The following AP2A2 variants were observed in gnomAD, a reference collection of about 807,000 sequenced individuals.
AP2A2 encodes adaptor related protein complex 2 subunit alpha 2.
A neutral mutation model predicts 104.2 loss-of-function variants in AP2A2; 32 were observed. The ratio of observed to expected loss-of-function variants is 0.31; its 90% CI spans 0.23 to 0.41. AP2A2 has a LOEUF of 0.41. Ranked by LOEUF, AP2A2 falls within the 10% of genes least tolerant of loss-of-function variation. The pLI is 1.00. For synonymous variants in AP2A2, 539 were observed against 533.3 expected (o/e 1.01, Z -0.15); for missense variants, 912 against 1,261.0 (o/e 0.72, Z 4.19).
intron 4 of AP2A2, among the ~76,000 whole-genome samples, chr11:975,757 G>A (rs925930312): frequency 6.6e-6 from 1 of 151,446 alleles, no homozygotes; most frequent in Non-Finnish European, 1.5e-5. Context: ...CCTCGTGTGA[G>A]CCGACGTCGG....
At chr11:944,883 G>A (rs1853781738) in intron 1 of AP2A2, among the ~76,000 whole-genome samples, 1 of 138,722 alleles carries the variant, frequency 7.2e-6, no homozygotes, top group Admixed American at 7.3e-5. Flanking sequence ...GGGTTAGGTT[G>A]GGGGGAATGA....
At chr11:932,800 A>G (rs1406599594) in intron 1 of AP2A2, 6 of 455,648 alleles carry the variant, frequency 1.3e-5, no homozygotes, top group Non-Finnish European at 2.6e-5. Context: ...TTCTTTTATG[A>G]CAAGTTGAAG....
chr11:955,886 T>C (rs1323648027), intron 1 of AP2A2, among the ~76,000 whole-genome samples: 1 of 152,232 alleles, frequency 6.6e-6, no homozygotes, highest in Non-Finnish European at 1.5e-5. Flanking sequence ...GTGAGCTCTT[T>C]GTCCTCTGAT....
intron 16 of AP2A2, 127 bp from the exon 17 acceptor site, chr11:1,006,399 AAC>A: frequency 1.4e-6 from 1 of 696,198 alleles, no homozygotes; most frequent in Non-Finnish European, 2.5e-6. Flanking sequence ...TAATTTTAAC[AAC>A]AGTCATACAT....
chr11:932,086 C>T lies in AP2A2; in HGVS notation c.67+5998C>T, dbSNP rs148591628. 2.6e-3 allele frequency among the ~76,000 whole-genome samples: 394 copies of T among 152,210 alleles called. 3 individuals are homozygous for T. Among genetic ancestry groups the T allele is most frequent in the African/African-American group, 8.6e-3 (357 of 41,522 alleles). ...AAGTGATTCTTGTGCCTCAGTCTCC[C>T]GAGTAGCTGGGATTACAGGTGTCTG... On this transcript the variant is annotated intron_variant, in intron 1 of 21. Coordinates refer to ENST00000448903, the MANE Select transcript of AP2A2 (RefSeq NM_012305.4).
rs1364600941 is a variant in AP2A2, at chr11:1,000,425, C to T, written c.1957-7C>T. ...CTCTGCTGATGCTCTCCTTCCTTCT[C>T]TTCCAGTCTACGCCTTCTCCGTCGG... is the stretch of plus-strand genomic sequence containing the variant. On this transcript the variant is annotated splice_polypyrimidine_tract_variant and splice_region_variant and intron_variant, in intron 14 of 21. Coordinates refer to ENST00000448903, the MANE Select transcript of AP2A2 (RefSeq NM_012305.4). 17 of 1,544,146 alleles carry T rather than the reference C, an allele frequency of 1.1e-5. No homozygotes were observed. The highest frequency in any genetic ancestry group is 1.4e-5 in the Non-Finnish European group (16 of 1,147,536).
Position 926,107 on chromosome 11 carries a change from G to T in AP2A2, c.67+19G>T. On this transcript the variant is annotated intron_variant, in intron 1 of 21. Coordinates refer to ENST00000448903, the MANE Select transcript of AP2A2 (RefSeq NM_012305.4). ...CGCAACTGTGAGTGGCGGGGGCGGCGTGGGGCCGGGGCCGGGGCCGCCGGC... is the reference window on the plus strand; with the variant it reads ...CGCAACTGTGAGTGGCGGGGGCGGCTTGGGGCCGGGGCCGGGGCCGCCGGC... The T allele has an allele frequency of 1.5e-6, 2 of 1,292,602 alleles. No individual in the cohort carries two copies. Among genetic ancestry groups the T allele is most frequent in the Non-Finnish European group, 9.9e-7 (1 of 1,008,900 alleles). 80.1% of individuals were successfully genotyped at this position (1,292,602 alleles called of 1,614,324 possible).
In AP2A2 at chr11:930,027, G is replaced by A. The variant is rs112567087; in HGVS notation, c.67+3939G>A. Among the ~76,000 whole-genome samples the A allele has an allele frequency of 1.3e-3, 200 of 151,474 alleles. 1 individual carries two copies. The highest frequency in any genetic ancestry group is 4.7e-3 in the African/African-American group (193 of 41,240). On this transcript the variant is annotated intron_variant, in intron 1 of 21. Transcript: ENST00000448903. ...TCCCAGCTACTCCGGGGGCTGAGGCGGAAGAATCGCTTGAACCCAGGAGGC... is the reference window on the plus strand; with the variant it reads ...TCCCAGCTACTCCGGGGGCTGAGGCAGAAGAATCGCTTGAACCCAGGAGGC...
rs183630101 is a variant in AP2A2, at chr11:957,442, G to A, written c.68-1995G>A. On this transcript the variant is annotated intron_variant, in intron 1 of 21. Transcript: ENST00000448903. ...CTATCTGTGCGGCGTTCCTTCCCCC[G>A]GGGTGTGGGGCAGGGCCCCTTCAGA... is the stretch of plus-strand genomic sequence containing the variant. Among the ~76,000 whole-genome samples the A allele has an allele frequency of 7.2e-5, 11 of 151,934 alleles. 1 individual carries two copies. In the East Asian group the frequency reaches 9.6e-4, roughly 13 times the overall value.
chr11:971,563 CTG>C (rs1325362821), intron 3 of AP2A2, among the ~76,000 whole-genome samples: 1 of 151,768 alleles, frequency 6.6e-6, no homozygotes, highest in African/African-American at 2.4e-5. Flanking sequence ...TGACACAGGA[CTG>C]GGGTTTGCCC....
intron 17 of AP2A2, chr11:1,007,341 A>C (rs1282661066): frequency 6.5e-6 from 1 of 153,512 alleles, no homozygotes; most frequent in Non-Finnish European, 1.5e-5. Context: ...ATGCAGGAGC[A>C]CCTGTATTAA....
intron 1 of AP2A2, among the ~76,000 whole-genome samples, chr11:935,603 G>GTTTTTTTTGTTTTTTTTTTTTTT (rs1371841792): frequency 1.3e-5 from 1 of 77,988 alleles, no homozygotes; most frequent in African/African-American, 4.7e-5. Context: ...TGCCCGGCCA[G>GTTTTTTTTGTTTTTTTTTTTTTT]TTTTTTTTTT....
rs753078884 is a variant in AP2A2, at chr11:984,653, G to A, written c.714G>A (p.Thr238=). 1.4e-5 allele frequency: 22 copies of A among 1,611,818 alleles called. No homozygotes were observed. Among genetic ancestry groups the A allele is most frequent in the East Asian group, 2.2e-5 (1 of 44,886 alleles). ...LAVSRLSRIV[T]SASTDLQDYT... ...CCTGTGCTGTCTTACAGATCGTGAC[G>A]TCTGCATCCACAGATCTCCAGGATT... The change falls in exon 7 of 22, where the codon ACG becomes ACA. Residue 238 remains threonine, a synonymous_variant. Coordinates refer to ENST00000448903, the MANE Select transcript of AP2A2 (RefSeq NM_012305.4).
At chr11:1,000,158 T>C (rs552554890) in intron 14 of AP2A2, among the ~76,000 whole-genome samples, 23 of 152,326 alleles carry the variant, frequency 1.5e-4, no homozygotes, top group Non-Finnish European at 2.8e-4. Context: ...TTCATTCAAA[T>C]AGCATTTGTG....
chr11:931,502 T>C (rs1291589115), intron 1 of AP2A2, among the ~76,000 whole-genome samples: 1 of 152,152 alleles, frequency 6.6e-6, no homozygotes, highest in Non-Finnish European at 1.5e-5. Context: ...AAGTGATAAG[T>C]CCTTTTGAGA....
chr11:970,046 C>CGGCCACCCCTCTCCTGGA (rs1227196175), intron 2 of AP2A2, 123 bp from the exon 3 acceptor site: 3 of 1,053,712 alleles, frequency 2.8e-6, no homozygotes, highest in Non-Finnish European at 4.2e-6. Flanking sequence ...TGCCTGGGCC[C>CGGCCACCCCTCTCCTGGA]GGCCACCCCT....
At chr11:952,909 C>T (rs1439769940) in intron 1 of AP2A2, among the ~76,000 whole-genome samples, 1 of 152,164 alleles carries the variant, frequency 6.6e-6, no homozygotes, top group South Asian at 2.1e-4. Context: ...TTATGGAGAT[C>T]AGTGCAGTGT....
intron 1 of AP2A2, among the ~76,000 whole-genome samples, chr11:950,428 C>T (rs1854013963): frequency 6.6e-6 from 1 of 151,770 alleles, no homozygotes; most frequent in African/African-American, 2.4e-5. Flanking sequence ...TCTGCCTCAG[C>T]CTCCTGAGTA....
rs1035399610 is a variant in AP2A2, at chr11:983,650, T to C, written c.706-995T>C. 2.0e-5 allele frequency among the ~76,000 whole-genome samples: 3 copies of C among 152,110 alleles called. No individual in the cohort carries two copies. In the South Asian group the frequency reaches 6.2e-4, roughly 31 times the overall value. ...CGCCCGCCTTGGCCTCTCAAAGTGC[T>C]GGGATTACAGGCGGGAGCCACCGCA... On this transcript the variant is annotated intron_variant, in intron 6 of 21. Coordinates refer to ENST00000448903, the MANE Select transcript of AP2A2 (RefSeq NM_012305.4).
Sources: gnomAD v4.1 joint callset for allele counts (sites outside exome capture counted in the v4.1 genomes callset) on GRCh38, gnomAD v4.1.1 for gene constraint, MANE v1.5 for transcripts, NCBI Gene and HGNC (gene_info 2026-07-23, HGNC 2026-07-21) for gene names.